Variants in NRIP1 observed in about 807,000 individuals in gnomAD.
NRIP1 encodes the protein nuclear receptor interacting protein 1, also known as nuclear receptor-interacting protein 1.
In NRIP1, 28 loss-of-function variants were observed where a neutral mutation model predicts 75.0. The observed-to-expected ratio is 0.37, with a 90% CI of 0.28 to 0.51. The LOEUF (loss-of-function observed/expected upper bound fraction) is 0.51. Ranked by LOEUF, NRIP1 falls within the 20% of genes least tolerant of loss-of-function variation. The pLI, the probability that NRIP1 is intolerant of heterozygous loss-of-function variation, is 0.92. For synonymous variants in NRIP1, 526 were observed against 487.6 expected, an observed-to-expected ratio of 1.08 and a Z score of -1.04; for missense variants, 1,435 against 1,343.7, an observed-to-expected ratio of 1.07 and a Z score of -1.06.
At chr21:15,061,914 CCTTAT>C (rs774226534) in intron 1 of NRIP1, among the ~76,000 whole-genome samples, 2 of 152,180 alleles carry the variant, frequency 1.3e-5, no homozygotes, top group East Asian at 3.9e-4. Context: ...TGGCATATCT[CCTTAT>C]CTTATTTGTT....
intron 2 of NRIP1, among the ~76,000 whole-genome samples, chr21:15,041,665 T>C (rs558289014): frequency 6.6e-6 from 1 of 152,296 alleles, no homozygotes; most frequent in East Asian, 1.9e-4. Flanking sequence ...TATTGAAACA[T>C]ACCTTTAATT....
At chr21:14,980,005 C>T (rs2822990) in intron 3 of NRIP1, among the ~76,000 whole-genome samples, 28,608 of 152,040 alleles carry the variant, frequency 0.19, 3,086 homozygotes, top group East Asian at 0.45. Flanking sequence ...TAGTAGTATG[C>T]TCTGCAATGC....
intron 2 of NRIP1, among the ~76,000 whole-genome samples, chr21:15,027,936 T>A (rs771919610): frequency 6.6e-5 from 10 of 152,104 alleles, no homozygotes; most frequent in Non-Finnish European, 1.3e-4. Flanking sequence ...ATATGGTACT[T>A]CCATCTAAAA....
chr21:15,036,310 A>G (rs1430147380), intron 2 of NRIP1, among the ~76,000 whole-genome samples: 3 of 152,320 alleles, frequency 2.0e-5, no homozygotes, highest in Middle Eastern at 3.4e-3. Flanking sequence ...ATTGCACATC[A>G]TATTTTGTTA....
intron 3 of NRIP1, among the ~76,000 whole-genome samples, chr21:15,000,222 A>G (rs558223497): frequency 4.8e-4 from 73 of 152,202 alleles, no homozygotes; most frequent in Non-Finnish European, 8.5e-4. Flanking sequence ...CAAAAGAGCA[A>G]CTCATGTAAA....
At chr21:15,000,002 T>C (rs1477521736) in intron 3 of NRIP1, among the ~76,000 whole-genome samples, 1 of 152,314 alleles carries the variant, frequency 6.6e-6, no homozygotes, top group East Asian at 1.9e-4. Flanking sequence ...CTCTAAGAAT[T>C]AGATTTCACA....
At chr21:14,974,821 C>T (rs1208738427) in intron 3 of NRIP1, among the ~76,000 whole-genome samples, 1 of 152,070 alleles carries the variant, frequency 6.6e-6, no homozygotes, top group Non-Finnish European at 1.5e-5. Flanking sequence ...TGAGAAAATT[C>T]ACCTGGCTGG....
intron 1 of NRIP1, among the ~76,000 whole-genome samples, chr21:15,056,805 C>A (rs1371427862): frequency 2.0e-5 from 3 of 152,092 alleles, no homozygotes; most frequent in Non-Finnish European, 4.4e-5. Flanking sequence ...TTTGACTATA[C>A]CTTTCAGTGT....
chr21:15,020,015 C>G (rs1397545273), intron 2 of NRIP1, among the ~76,000 whole-genome samples: 16 of 152,126 alleles, frequency 1.1e-4, no homozygotes, highest in Admixed American at 9.2e-4. Context: ...AACAAAGATT[C>G]AGTTGATTGA....
chr21:14,998,182 G>A (rs753794114), intron 3 of NRIP1, among the ~76,000 whole-genome samples: 1 of 152,074 alleles, frequency 6.6e-6, no homozygotes, highest in African/African-American at 2.4e-5. Context: ...GTGGTTGAAG[G>A]CCTGACCCAC....
At chr21:15,055,255 C>A (rs1222372132) in intron 1 of NRIP1, among the ~76,000 whole-genome samples, 3 of 152,176 alleles carry the variant, frequency 2.0e-5, no homozygotes. Context: ...GAATACTACT[C>A]ATCAGTAAAA....
At chr21:15,038,565 A>C (rs1429198019) in intron 2 of NRIP1, among the ~76,000 whole-genome samples, 3 of 152,092 alleles carry the variant, frequency 2.0e-5, no homozygotes, top group Non-Finnish European at 4.4e-5. Flanking sequence ...TACCTATAAG[A>C]AAAATTACCT....
chr21:15,035,229 T>A (rs578084804), intron 2 of NRIP1, among the ~76,000 whole-genome samples: 52 of 152,232 alleles, frequency 3.4e-4, no homozygotes, highest in South Asian at 1.7e-3. Context: ...TAAATTTTTT[T>A]AAAAAAATAA....
chr21:15,035,574 T>TTTTA (rs11406252), intron 2 of NRIP1, among the ~76,000 whole-genome samples: 1 of 150,934 alleles, frequency 6.6e-6, no homozygotes, highest in Admixed American at 6.6e-5. Flanking sequence ...TTTTTTTTTT[T>TTTTA]GAGACAGAGT....
At chr21:15,004,144 T>C (rs2087912198) in intron 3 of NRIP1, among the ~76,000 whole-genome samples, 1 of 152,192 alleles carries the variant, frequency 6.6e-6, no homozygotes, top group South Asian at 2.1e-4. Context: ...GTCTAGTTCA[T>C]TCTAACTTGT....
chr21:15,013,477 GCT>G (rs1038688614), intron 3 of NRIP1, among the ~76,000 whole-genome samples: 15 of 152,114 alleles, frequency 9.9e-5, no homozygotes, highest in Non-Finnish European at 2.2e-4. Context: ...TGCTGTATCT[GCT>G]CTCTCTCTTT....
chr21:14,971,917 GTTAT>G lies in NRIP1; in HGVS notation c.-334-3395_-334-3392del, dbSNP rs566864343. 4.6e-4 allele frequency among the ~76,000 whole-genome samples: 70 copies of G among 152,208 alleles called. 1 individual carries two copies. The highest frequency in any genetic ancestry group is 3.3e-3 in the Admixed American group (50 of 15,288). On this transcript the variant is annotated intron_variant, in intron 3 of 3. Coordinates refer to ENST00000318948, the MANE Select transcript of NRIP1 (RefSeq NM_003489.4). ...TTCCAAAATATTCTAAGTCAAGGCA[GTTAT>G]TTTTCATTAATTTCTTTGAAAAAAA...
intron 1 of NRIP1, among the ~76,000 whole-genome samples, chr21:15,059,599 C>T (rs2089380814): frequency 6.6e-6 from 1 of 151,846 alleles, no homozygotes; most frequent in Non-Finnish European, 1.5e-5. Flanking sequence ...CCTTTCTAGC[C>T]AAAACTGCAA....
intron 2 of NRIP1, among the ~76,000 whole-genome samples, chr21:15,032,784 G>A (rs2088737028): frequency 6.6e-6 from 1 of 152,138 alleles, no homozygotes; most frequent in African/African-American, 2.4e-5. Context: ...GCAGCAGAAG[G>A]GTGAGTTAAG....
Sources: allele counts gnomAD v4.1 joint callset (sites outside exome capture counted in the v4.1 genomes callset), GRCh38; gene constraint gnomAD v4.1.1; transcripts MANE v1.5; gene names NCBI Gene and HGNC (gene_info 2026-07-23, HGNC 2026-07-21).